Variants in L3MBTL4 observed in about 807,000 individuals in gnomAD.
L3MBTL4 encodes the protein L3MBTL histone methyl-lysine binding protein 4.
Under a neutral mutation model 84.5 loss-of-function variants are expected in L3MBTL4, and 70 were observed. That is an observed-to-expected ratio of 0.83 (90% CI 0.68 to 1.01). The LOEUF (loss-of-function observed/expected upper bound fraction) is 1.01, where lower values mean the gene tolerates loss of function less well. L3MBTL4 is among the 50% of genes least tolerant of loss of function. The probability of loss-of-function intolerance (pLI) is 0.00; values close to 1 mark genes in which losing one functional copy is unlikely to be tolerated. For synonymous variants in L3MBTL4, 274 were observed against 259.8 expected, an observed-to-expected ratio of 1.05 and a Z score of -0.52; for missense variants, 715 against 754.8, an observed-to-expected ratio of 0.95 and a Z score of 0.62.
intron 5 of L3MBTL4, among the ~76,000 whole-genome samples, chr18:6,262,857 C>G (rs1470000945): frequency 6.6e-6 from 1 of 152,132 alleles, no homozygotes; most frequent in Admixed American, 6.5e-5. Flanking sequence ...CCTCTTCTTC[C>G]CTGTCCCACT....
At chr18:5,957,518 G>C (rs2095233863) in intron 18 of L3MBTL4, among the ~76,000 whole-genome samples, 1 of 151,366 alleles carries the variant, frequency 6.6e-6, no homozygotes, top group Non-Finnish European at 1.5e-5. Context: ...CAACTCCAGG[G>C]ACTACTGCAG....
At chr18:6,152,122 A>T (rs981680220) in intron 13 of L3MBTL4, among the ~76,000 whole-genome samples, 1 of 152,182 alleles carries the variant, frequency 6.6e-6, no homozygotes, top group East Asian at 1.9e-4. Context: ...TTCTTTATCC[A>T]TTCATCCACT....
chr18:5,986,652 A>G (rs2053476094), intron 16 of L3MBTL4, among the ~76,000 whole-genome samples: 1 of 152,226 alleles, frequency 6.6e-6, no homozygotes, highest in Non-Finnish European at 1.5e-5. Flanking sequence ...TCTGTGCCAG[A>G]GCGAGCCTTC....
chr18:5,983,752 C>G (rs1314494101), intron 16 of L3MBTL4, among the ~76,000 whole-genome samples: 1 of 152,086 alleles, frequency 6.6e-6, no homozygotes, highest in Non-Finnish European at 1.5e-5. Flanking sequence ...CTAGGTGACC[C>G]CTCCCACTTC....
chr18:6,244,519 G>A lies in L3MBTL4; in HGVS notation c.289C>T (p.His97Tyr). 1.2e-6 allele frequency: 2 copies of A among 1,613,700 alleles called. No individual in the cohort carries two copies. The highest frequency in any genetic ancestry group is 1.7e-6 in the Non-Finnish European group (2 of 1,179,590). The change falls in exon 6 of 19, where the codon CAT becomes TAT. Residue 97 changes from histidine (H) to tyrosine (Y), a missense_variant. His to Tyr is a moderately conservative substitution (Grantham distance 83). Coordinates refer to ENST00000317931, the MANE Select transcript of L3MBTL4 (RefSeq NM_001330559.2). ...GMRLEGIDPR[H>Y]PSVFCVLSVA... ...GAAAGCACACAGAATACCGATGGAT[G>A]TCGGGGATCAATGCCTTCTAATCTC...
chr18:5,960,145 A>C lies in L3MBTL4; in HGVS notation c.1626T>G (p.Phe542Leu). The stretch of plus-strand genomic sequence containing the variant: ...CTTCACAGCCCAGAAGAGACTGTAC[A>C]AACTCAGCCACCTACAGTGCGAGAT... ...ARWTVDEVAE[F>L]VQSLLGCEEH... The change falls in exon 18 of 19, where the codon TTT becomes TTG. Residue 542 changes from phenylalanine to leucine, a missense_variant. Physicochemically the swap from Phe to Leu is conservative, Grantham distance 22 (BLOSUM62 0). Coordinates refer to ENST00000317931, the MANE Select transcript of L3MBTL4 (RefSeq NM_001330559.2). 1 of 1,594,126 alleles carries C rather than the reference A, an allele frequency of 6.3e-7. No individual in the cohort carries two copies. The highest frequency in any genetic ancestry group is 1.7e-5 in the Admixed American group (1 of 59,132).
At chr18:6,096,614 G>A (rs1481094914) in intron 14 of L3MBTL4, among the ~76,000 whole-genome samples, 1 of 152,026 alleles carries the variant, frequency 6.6e-6, no homozygotes, top group African/African-American at 2.4e-5. Context: ...ACGCATGCAT[G>A]TGTGTGTGTG....
intron 16 of L3MBTL4, among the ~76,000 whole-genome samples, chr18:6,078,883 G>T (rs2057968014): frequency 6.6e-6 from 1 of 152,188 alleles, no homozygotes; most frequent in African/African-American, 2.4e-5. Flanking sequence ...CCATCTGGGG[G>T]TGATGGGAGA....
At chr18:6,232,758 A>T (rs1365635984) in intron 10 of L3MBTL4, among the ~76,000 whole-genome samples, 2 of 152,134 alleles carry the variant, frequency 1.3e-5, no homozygotes, top group Non-Finnish European at 2.9e-5. Context: ...ATCAGAAGAA[A>T]AAAAAGTTTA....
chr18:6,373,845 G>A (rs952003893), intron 1 of L3MBTL4, among the ~76,000 whole-genome samples: 4 of 151,306 alleles, frequency 2.6e-5, no homozygotes, highest in African/African-American at 9.7e-5. Context: ...TAATAAACTT[G>A]AATGTGACAG....
intron 16 of L3MBTL4, chr18:6,030,721 T>C: frequency 1.0e-6 from 1 of 975,008 alleles, no homozygotes. Flanking sequence ...AGTTTAATGC[T>C]ATCTCCATTT....
chr18:5,996,856 G>T (rs530950544), intron 16 of L3MBTL4, among the ~76,000 whole-genome samples: 1 of 152,208 alleles, frequency 6.6e-6, no homozygotes, highest in African/African-American at 2.4e-5. Context: ...TCCTTACATG[G>T]ATCAAAGGAA....
At chr18:6,021,247 G>A (rs1204972637) in intron 16 of L3MBTL4, among the ~76,000 whole-genome samples, 1 of 152,218 alleles carries the variant, frequency 6.6e-6, no homozygotes, top group Non-Finnish European at 1.5e-5. Flanking sequence ...TAGGCTGAGG[G>A]CGGGGAGGAG....
At chr18:6,020,972 T>C (rs962491529) in intron 16 of L3MBTL4, among the ~76,000 whole-genome samples, 1 of 152,038 alleles carries the variant, frequency 6.6e-6, no homozygotes, top group Admixed American at 6.6e-5. Context: ...CATGAAATAA[T>C]ATTTGAAGTC....
intron 12 of L3MBTL4, among the ~76,000 whole-genome samples, chr18:6,199,437 G>A (rs566075498): frequency 6.6e-6 from 1 of 152,352 alleles, no homozygotes; most frequent in South Asian, 2.1e-4. Context: ...CAATGTACTG[G>A]AGAGAACAGA....
At chr18:6,010,479 C>T (rs568220828) in intron 16 of L3MBTL4, among the ~76,000 whole-genome samples, 2 of 152,280 alleles carry the variant, frequency 1.3e-5, no homozygotes, top group South Asian at 2.1e-4. Context: ...AAAGGAGCCT[C>T]CCCACCACCT....
At chr18:6,218,699 T>A (rs570847665) in intron 10 of L3MBTL4, among the ~76,000 whole-genome samples, 61 of 152,310 alleles carry the variant, frequency 4.0e-4, no homozygotes, top group African/African-American at 1.4e-3. Context: ...GAAAATATTG[T>A]ACCTGTATAT....
chr18:6,397,240 C>T (rs1348183068), intron 1 of L3MBTL4: 3 of 152,208 alleles, frequency 2.0e-5, no homozygotes, highest in Non-Finnish European at 4.4e-5. Context: ...ATGTACTTCT[C>T]TGCAGAGTTC....
intron 1 of L3MBTL4, among the ~76,000 whole-genome samples, chr18:6,362,464 G>A (rs749535905): frequency 1.8e-4 from 27 of 152,260 alleles, no homozygotes; most frequent in Non-Finnish European, 3.4e-4. Context: ...CCTCTCTGCT[G>A]GAAAACTGCT....
Sources: allele counts gnomAD v4.1 joint callset (sites outside exome capture counted in the v4.1 genomes callset), GRCh38; gene constraint gnomAD v4.1.1; transcripts MANE v1.5; gene names NCBI Gene and HGNC (gene_info 2026-07-23, HGNC 2026-07-21).